The following VAV2 variants were observed in gnomAD, a reference collection of about 807,000 sequenced individuals.
VAV2 encodes guanine nucleotide exchange factor VAV2.
In VAV2, 67 loss-of-function variants were observed where a neutral mutation model predicts 132.5. That is an observed-to-expected ratio of 0.51 (90% CI 0.42 to 0.62). The LOEUF is 0.62. VAV2 is among the 20% of genes least tolerant of loss of function. The pLI is 0.00. For missense variants in VAV2, 938 were observed against 1,153.6 expected (o/e 0.81, Z 2.71); for synonymous variants, 492 against 443.5 (o/e 1.11, Z -1.37).
intron 1 of VAV2, among the ~76,000 whole-genome samples, chr9:133,972,615 C>A (rs1479735931): frequency 6.6e-6 from 1 of 152,238 alleles, no homozygotes; most frequent in Non-Finnish European, 1.5e-5. Flanking sequence ...TCACCCAGAG[C>A]ATGGAGCACA....
intron 3 of VAV2, among the ~76,000 whole-genome samples, chr9:133,860,084 C>CCAGCTCAGGAGATCGAGACCAT (rs1837537413): frequency 6.6e-6 from 1 of 152,116 alleles, no homozygotes. Flanking sequence ...GGGCAGATCA[C>CCAGCTCAGGAGATCGAGACCAT]CAGCTCAGGA....
At chr9:133,891,431 GAAGGGGA>G (rs1838938757) in intron 2 of VAV2, among the ~76,000 whole-genome samples, 1 of 2,772 alleles carries the variant, frequency 3.6e-4, no homozygotes. Flanking sequence ...AGGGGGGACG[GAAGGGGA>G]GGGATGAAGA....
At chr9:133,839,771 G>C (rs1286859668) in intron 3 of VAV2, among the ~76,000 whole-genome samples, 2 of 152,206 alleles carry the variant, frequency 1.3e-5, no homozygotes, top group Non-Finnish European at 2.9e-5. Context: ...CATTTTCAAG[G>C]AGAGCTTGTA....
At chr9:133,892,571 A>C (rs1839021529) in intron 2 of VAV2, among the ~76,000 whole-genome samples, 1 of 152,070 alleles carries the variant, frequency 6.6e-6, no homozygotes, top group South Asian at 2.1e-4. Flanking sequence ...GGGCTCGGCC[A>C]AAGGGCAGCC....
chr9:133,913,720 C>T (rs1444686094), intron 2 of VAV2, among the ~76,000 whole-genome samples: 2 of 152,270 alleles, frequency 1.3e-5, no homozygotes, highest in Non-Finnish European at 1.5e-5. Context: ...GAACTCCCAA[C>T]CCCATGGAGA....
At chr9:133,901,180 G>C (rs1453029765) in intron 2 of VAV2, among the ~76,000 whole-genome samples, 2 of 152,152 alleles carry the variant, frequency 1.3e-5, no homozygotes, top group Non-Finnish European at 2.9e-5. Context: ...TGAAAACCAT[G>C]GCCCAGTTTT....
At position 133,788,232 on chromosome 9, in the gene VAV2, A is replaced by ACCCCC; in HGVS notation, c.1407+121_1407+122insGGGGG. 2 of 615,290 alleles carry ACCCCC rather than the reference A, an allele frequency of 3.3e-6. No individual in the cohort carries two copies. Among genetic ancestry groups the ACCCCC allele is most frequent in the Non-Finnish European group, 5.4e-6 (2 of 369,388 alleles). 38.1% of individuals were successfully genotyped at this position (615,290 alleles called of 1,614,324 possible). A position where few individuals can be genotyped will look rare whatever the true frequency, so the allele number is the denominator to read the frequency against. ...CTGCAGAGCGGAGACGCCCACCCCA[A>ACCCCC]CCCACCCGGCCAGCATCAGCGGCTG... On this transcript the variant is annotated intron_variant, in intron 15 of 29. Transcript: ENST00000371850. The surrounding 1 kb of genome is among the most constrained non-coding windows in gnomAD (Gnocchi z 5.3).
Position 133,777,618 on chromosome 9 carries a change from T to C in VAV2, c.1891-155A>G, listed in dbSNP as rs182323071. Among the ~76,000 whole-genome samples the C allele has an allele frequency of 6.1e-3, 928 of 152,156 alleles. 19 individuals carry two copies. Among genetic ancestry groups the C allele is most frequent in the Admixed American group, 0.039 (599 of 15,290 alleles). On this transcript the variant is annotated intron_variant, in intron 22 of 29. Transcript: ENST00000371850. ...CAACCTCAGCTGACCCGGCAGCCAG[T>C]TAGGGCAGGGAGGTGCAGGGCCTCC...
intron 2 of VAV2, among the ~76,000 whole-genome samples, chr9:133,936,242 CT>C (rs35091336): frequency 0.029 from 3,866 of 134,820 alleles, 142 homozygotes; most frequent in African/African-American, 0.094. Context: ...GCCATTGCGT[CT>C]TTTTTTTTTT....
intron 2 of VAV2, among the ~76,000 whole-genome samples, chr9:133,904,230 C>T (rs1588344788): frequency 6.6e-6 from 1 of 152,210 alleles, no homozygotes; most frequent in Non-Finnish European, 1.5e-5. Flanking sequence ...AACCACTCTG[C>T]CACACACAGC....
intron 1 of VAV2, among the ~76,000 whole-genome samples, chr9:133,971,861 G>A (rs189612152): frequency 5.4e-4 from 82 of 152,270 alleles, no homozygotes; most frequent in East Asian, 1.7e-3. Context: ...CAGCATCCCC[G>A]TAGAGTGCAC....
At chr9:133,886,486 C>T (rs1302788761) in intron 2 of VAV2, among the ~76,000 whole-genome samples, 2 of 152,198 alleles carry the variant, frequency 1.3e-5, no homozygotes, top group Admixed American at 6.5e-5. Context: ...GCTCTAACCT[C>T]GTCCCAGACA....
chr9:133,987,751 C>T (rs1369257426), intron 1 of VAV2, among the ~76,000 whole-genome samples: 2 of 152,222 alleles, frequency 1.3e-5, no homozygotes, highest in African/African-American at 4.8e-5. Flanking sequence ...GACCTCCCAA[C>T]CGAAGCTGCT....
At chr9:133,800,583 T>C (rs1174304116) in intron 9 of VAV2, among the ~76,000 whole-genome samples, 1 of 152,142 alleles carries the variant, frequency 6.6e-6, no homozygotes, top group Non-Finnish European at 1.5e-5. Flanking sequence ...ATGGCCCCAG[T>C]CCCTCCCTGT....
intron 1 of VAV2, among the ~76,000 whole-genome samples, chr9:133,951,188 T>C (rs1376444384): frequency 6.6e-6 from 1 of 152,210 alleles, no homozygotes; most frequent in Non-Finnish European, 1.5e-5. Context: ...CCCTTGGCTA[T>C]GGAGGCAGCA....
intron 2 of VAV2, among the ~76,000 whole-genome samples, chr9:133,908,323 G>A (rs1839749704): frequency 1.3e-5 from 2 of 152,062 alleles, no homozygotes; most frequent in East Asian, 1.9e-4. Context: ...CCTAGAAACT[G>A]AGACTTCGTT....
In VAV2 at chr9:133,797,733, C is replaced by T; in HGVS notation, c.913G>A (p.Glu305Lys). 6.2e-7 allele frequency: 1 copy of T among 1,614,070 alleles called. No homozygotes were observed. Among genetic ancestry groups the T allele is most frequent in the Non-Finnish European group, 8.5e-7 (1 of 1,179,974 alleles). The change falls in exon 10 of 30, where the codon GAG (glutamate) becomes AAG (lysine). Residue 305 changes from glutamate to lysine, a missense_variant. Physicochemically the swap from Glu to Lys is moderately conservative, Grantham distance 56 (BLOSUM62 1). Coordinates refer to ENST00000371850, the MANE Select transcript of VAV2 (RefSeq NM_001134398.2). ...NTLNQLLASR[E>K]DFRQKVEECT... is the part of the protein sequence containing the mutation. ...ACCTCGACTTTCTGCCTGAAGTCCT[C>T]CCGGCTGGCCAGGAGCTGGTTCAGT...
At chr9:133,821,653 T>A (rs1244853559) in intron 4 of VAV2, among the ~76,000 whole-genome samples, 1 of 152,216 alleles carries the variant, frequency 6.6e-6, no homozygotes, top group Non-Finnish European at 1.5e-5. Context: ...ACAGATTTTT[T>A]AAAACCTAGG....
intron 25 of VAV2, among the ~76,000 whole-genome samples, chr9:133,772,309 C>T (rs1329205818): frequency 6.6e-6 from 1 of 152,220 alleles, no homozygotes; most frequent in African/African-American, 2.4e-5. Context: ...TGGCCTCTAG[C>T]CCTGCTGAGG....
Sources: gnomAD v4.1 joint callset for allele counts (sites outside exome capture counted in the v4.1 genomes callset) on GRCh38, gnomAD v4.1.1 for gene constraint, Gnocchi (gnomAD v3.1) non-coding constraint, MANE v1.5 for transcripts, NCBI Gene and HGNC (gene_info 2026-07-23, HGNC 2026-07-21) for gene names.